The following SGCZ variants were observed in gnomAD, a reference collection of about 807,000 sequenced individuals.
SGCZ encodes zeta-sarcoglycan.
A neutral mutation model predicts 41.3 loss-of-function variants in SGCZ; 40 were observed. That is an observed-to-expected ratio of 0.97 (90% CI 0.75 to 1.26). The LOEUF (loss-of-function observed/expected upper bound fraction) is 1.26. Ranked by LOEUF, SGCZ falls within the 50% of genes most tolerant of loss-of-function variation. The pLI, the probability that SGCZ is intolerant of heterozygous loss-of-function variation, is 0.00. For synonymous variants in SGCZ, 206 were observed against 137.5 expected, an observed-to-expected ratio of 1.50 and a Z score of -3.49; for missense variants, 552 against 369.8, an observed-to-expected ratio of 1.49 and a Z score of -4.04.
At chr8:14,106,876 AAATT>A (rs751734047) in intron 6 of SGCZ, among the ~76,000 whole-genome samples, 38 of 152,322 alleles carry the variant, frequency 2.5e-4, no homozygotes, top group African/African-American at 6.5e-4. Flanking sequence ...TAGCTATCAT[AAATT>A]AATTATTATT....
At chr8:14,244,425 C>G (rs905288431) in intron 3 of SGCZ, among the ~76,000 whole-genome samples, 1 of 152,170 alleles carries the variant, frequency 6.6e-6, no homozygotes, top group African/African-American at 2.4e-5. Context: ...CCCACTGAAG[C>G]TGCAAAACAA....
chr8:14,215,346 G>A (rs977820750), intron 4 of SGCZ, among the ~76,000 whole-genome samples: 12 of 152,028 alleles, frequency 7.9e-5, no homozygotes, highest in Non-Finnish European at 1.3e-4. Context: ...AAATAAAAAT[G>A]AAAATATCAC....
intron 1 of SGCZ, among the ~76,000 whole-genome samples, chr8:14,733,082 G>A (rs1238709194): frequency 6.6e-6 from 1 of 152,108 alleles, no homozygotes; most frequent in African/African-American, 2.4e-5. Flanking sequence ...TCACCTGTGA[G>A]CATGACACTG....
intron 5 of SGCZ, among the ~76,000 whole-genome samples, chr8:14,150,513 G>A (rs1317327472): frequency 6.6e-6 from 1 of 152,106 alleles, no homozygotes; most frequent in East Asian, 1.9e-4. Context: ...CCAAAGGACA[G>A]GCAATAATAA....
chr8:14,387,246 C>G (rs1804607714), intron 2 of SGCZ, among the ~76,000 whole-genome samples: 1 of 152,172 alleles, frequency 6.6e-6, no homozygotes, highest in Non-Finnish European at 1.5e-5. Context: ...AATACAGTGT[C>G]TTGCTCTGTT....
chr8:15,102,898 T>C (rs1228039239), intron 1 of SGCZ, among the ~76,000 whole-genome samples: 1 of 152,192 alleles, frequency 6.6e-6, no homozygotes, highest in Non-Finnish European at 1.5e-5. Flanking sequence ...AGTCCAAGAC[T>C]GTGAGTAGAT....
At chr8:15,060,340 TA>T (rs1289732624) in intron 1 of SGCZ, among the ~76,000 whole-genome samples, 1 of 151,444 alleles carries the variant, frequency 6.6e-6, no homozygotes, top group Admixed American at 6.6e-5. Flanking sequence ...TATGCAGCCA[TA>T]AAAAAGGATG....
chr8:14,488,940 C>G (rs544764723), intron 2 of SGCZ, among the ~76,000 whole-genome samples: 8 of 128,116 alleles, frequency 6.2e-5, no homozygotes, highest in African/African-American at 2.3e-4. Context: ...GATTCAGCAG[C>G]AGTATCTAAA....
chr8:15,015,148 T>G (rs1802977834), intron 1 of SGCZ, among the ~76,000 whole-genome samples: 1 of 151,506 alleles, frequency 6.6e-6, no homozygotes, highest in African/African-American at 2.4e-5. Flanking sequence ...GAGGCTGAGG[T>G]GGAAGGATTG....
At chr8:14,355,780 T>G (rs1021108111) in intron 2 of SGCZ, among the ~76,000 whole-genome samples, 1 of 152,028 alleles carries the variant, frequency 6.6e-6, no homozygotes, top group African/African-American at 2.4e-5. Flanking sequence ...TGTGGGATTA[T>G]CCAAGGAAAT....
At chr8:14,881,298 T>C (rs902279403) in intron 1 of SGCZ, among the ~76,000 whole-genome samples, 1 of 152,122 alleles carries the variant, frequency 6.6e-6, no homozygotes, top group African/African-American at 2.4e-5. Flanking sequence ...CCTATTTTAT[T>C]CATATTTACT....
intron 1 of SGCZ, among the ~76,000 whole-genome samples, chr8:14,897,779 TC>T (rs1207576350): frequency 3.2e-4 from 49 of 152,182 alleles, no homozygotes; most frequent in African/African-American, 1.1e-3. Context: ...GATGTCTCTA[TC>T]CTTAGAAATA....
At chr8:15,168,153 C>A (rs73665392) in intron 1 of SGCZ, among the ~76,000 whole-genome samples, 4,986 of 152,200 alleles carry the variant, frequency 0.033, 262 homozygotes, top group African/African-American at 0.11. Flanking sequence ...GCGACACCCC[C>A]ACCTCCCAAG....
intron 1 of SGCZ, among the ~76,000 whole-genome samples, chr8:15,081,586 G>T (rs1805750441): frequency 6.6e-6 from 1 of 151,676 alleles, no homozygotes; most frequent in South Asian, 2.1e-4. Context: ...ATAGAGGTTT[G>T]TAATAAGTAT....
intron 1 of SGCZ, among the ~76,000 whole-genome samples, chr8:14,627,313 T>C (rs1806494253): frequency 1.3e-5 from 2 of 152,244 alleles, no homozygotes; most frequent in South Asian, 2.1e-4. Context: ...AACACACAAA[T>C]ATGAAATTTG....
chr8:14,172,720 C>T (rs1325602558), intron 4 of SGCZ, among the ~76,000 whole-genome samples: 3 of 152,040 alleles, frequency 2.0e-5, no homozygotes, highest in African/African-American at 4.8e-5. Flanking sequence ...TAGAGCCCAT[C>T]GGTGTTGGCA....
At chr8:14,412,623 T>C (rs1266048827) in intron 2 of SGCZ, among the ~76,000 whole-genome samples, 1 of 152,098 alleles carries the variant, frequency 6.6e-6, no homozygotes, top group Non-Finnish European at 1.5e-5. Flanking sequence ...ATGAGTAACC[T>C]AACCTTTTAA....
In SGCZ at chr8:14,322,043, AT is replaced by A. The variant is rs1170575989; in HGVS notation, c.336+2059del. Among the ~76,000 whole-genome samples, 6 of 152,172 alleles carry A rather than the reference AT, an allele frequency of 3.9e-5. No homozygotes were observed. In the East Asian group the frequency reaches 1.2e-3, roughly 29 times the overall value. On this transcript the variant is annotated intron_variant, in intron 3 of 7. Transcript: ENST00000382080. ...AATGTGAGAGGTGCTTATAAAATAC[AT>A]TTTTCTCTTTATTTTAAATATTTAT...
At chr8:14,928,134 C>T (rs1359203519) in intron 1 of SGCZ, among the ~76,000 whole-genome samples, 3 of 152,110 alleles carry the variant, frequency 2.0e-5, no homozygotes, top group African/African-American at 7.2e-5. Context: ...TTTATCAAAG[C>T]CATGTTGCAG....
Sources: allele counts gnomAD v4.1 joint callset (sites outside exome capture counted in the v4.1 genomes callset), GRCh38; gene constraint gnomAD v4.1.1; transcripts MANE v1.5; gene names NCBI Gene and HGNC (gene_info 2026-07-23, HGNC 2026-07-21).